Variants in TTC6 observed in about 807,000 individuals in gnomAD.
TTC6 encodes the protein tetratricopeptide repeat domain 6, also known as tetratricopeptide repeat protein 6.
In TTC6, 172 loss-of-function variants were observed where a neutral mutation model predicts 210.4. The ratio of observed to expected loss-of-function variants is 0.82; its 90% CI spans 0.72 to 0.93. The LOEUF (loss-of-function observed/expected upper bound fraction) is 0.93, where lower values mean the gene tolerates loss of function less well. Among genes scored for constraint, TTC6 ranks in the 40% least tolerant of loss-of-function variants. The probability of loss-of-function intolerance (pLI) is 0.00; values close to 1 mark genes in which losing one functional copy is unlikely to be tolerated. For missense variants in TTC6, 2,414 were observed against 2,318.1 expected, an observed-to-expected ratio of 1.04 and a Z score of -0.85; for synonymous variants, 804 against 819.6, an observed-to-expected ratio of 0.98 and a Z score of 0.32.
At chr14:37,634,518 C>G (rs1249449095) in intron 1 of TTC6, among the ~76,000 whole-genome samples, 1 of 152,092 alleles carries the variant, frequency 6.6e-6, no homozygotes, top group African/African-American at 2.4e-5. Context: ...TTGGTGTCAT[C>G]ATAGTCCTGG....
At chr14:37,719,904 T>G (rs974508614) in intron 6 of TTC6, among the ~76,000 whole-genome samples, 6 of 152,060 alleles carry the variant, frequency 3.9e-5, no homozygotes, top group Non-Finnish European at 7.4e-5. Context: ...TTAAGAGGAT[T>G]AAATACAAGC....
rs571108917 is a variant in TTC6 at position 37,841,687 on chromosome 14, T to C, written c.5524+17T>C. ...TTAATAAAGGTACACTTTTGGTAAT[T>C]ATTCTGGTAAGATTACAGTGGTTGA... is the stretch of plus-strand genomic sequence containing the variant. On this transcript the variant is annotated intron_variant, in intron 30 of 30. Transcript: ENST00000553443. The C allele has an allele frequency of 9.5e-6, 15 of 1,574,350 alleles. 1 individual carries two copies. The South Asian group carries it at 1.8e-4, about 18-fold the overall frequency.
chr14:37,762,882 CTTT>C (rs369694046), intron 14 of TTC6, among the ~76,000 whole-genome samples: 3 of 129,588 alleles, frequency 2.3e-5, no homozygotes, highest in Non-Finnish European at 4.9e-5. Flanking sequence ...CTTTTCTTTT[CTTT>C]TTTTTTTTTT....
At chr14:37,715,799 G>C (rs922145322) in intron 6 of TTC6, among the ~76,000 whole-genome samples, 5 of 152,120 alleles carry the variant, frequency 3.3e-5, no homozygotes, top group African/African-American at 1.2e-4. Flanking sequence ...AGAAGGAAAC[G>C]AAGAGAATTT....
intron 1 of TTC6, among the ~76,000 whole-genome samples, chr14:37,599,077 G>A (rs1267104674): frequency 6.6e-6 from 1 of 152,172 alleles, no homozygotes; most frequent in Non-Finnish European, 1.5e-5. Flanking sequence ...GAAGGCCTGG[G>A]ACGCTGGAAA....
intron 20 of TTC6, among the ~76,000 whole-genome samples, chr14:37,803,706 A>T (rs902592863): frequency 1.3e-5 from 2 of 152,164 alleles, no homozygotes; most frequent in Non-Finnish European, 1.5e-5. Context: ...AAAGAAAGCA[A>T]TTCAAAGACA....
intron 29 of TTC6, among the ~76,000 whole-genome samples, chr14:37,830,330 G>A (rs1215082879): frequency 6.6e-6 from 1 of 151,852 alleles, no homozygotes; most frequent in Non-Finnish European, 1.5e-5. Flanking sequence ...ACCACTGCAG[G>A]TTAAATTTAT....
At chr14:37,839,185 T>C (rs1332156757) in intron 29 of TTC6, among the ~76,000 whole-genome samples, 1 of 152,206 alleles carries the variant, frequency 6.6e-6, no homozygotes, top group African/African-American at 2.4e-5. Context: ...CTGGGTCAAA[T>C]GGTATTTCTG....
chr14:37,720,922 G>A (rs2095860664), intron 6 of TTC6, among the ~76,000 whole-genome samples: 1 of 152,164 alleles, frequency 6.6e-6, no homozygotes, highest in South Asian at 2.1e-4. Flanking sequence ...ATGTCAACAT[G>A]TTGTTTATGA....
At chr14:37,639,715 C>CA (rs35837305) in intron 1 of TTC6, among the ~76,000 whole-genome samples, 1,244 of 74,156 alleles carry the variant, frequency 0.017, 18 homozygotes, top group African/African-American at 0.041. Context: ...ACAAGAAATA[C>CA]AAAAAAAAAA....
intron 14 of TTC6, among the ~76,000 whole-genome samples, chr14:37,763,064 A>G (rs1382034500): frequency 1.4e-5 from 2 of 146,796 alleles, no homozygotes; most frequent in Non-Finnish European, 3.0e-5. Flanking sequence ...TTTTTTTTGT[A>G]TTTTTAGTAG....
At chr14:37,799,901 C>T (rs1247756585) in intron 20 of TTC6, among the ~76,000 whole-genome samples, 2 of 152,122 alleles carry the variant, frequency 1.3e-5, no homozygotes, top group African/African-American at 2.4e-5. Context: ...CTAAGCTATG[C>T]GCAGGCTCCT....
At chr14:37,803,610 G>A (rs1393190368) in intron 20 of TTC6, among the ~76,000 whole-genome samples, 1 of 152,160 alleles carries the variant, frequency 6.6e-6, no homozygotes, top group African/African-American at 2.4e-5. Flanking sequence ...ATCCAAAGGA[G>A]GAAGGAAGTA....
At chr14:37,794,816 C>T (rs2096088658) in intron 17 of TTC6, among the ~76,000 whole-genome samples, 1 of 151,908 alleles carries the variant, frequency 6.6e-6, no homozygotes, top group East Asian at 1.9e-4. Context: ...GACCTCCTGG[C>T]CTCATCAAGC....
At chr14:37,665,236 A>G (rs2095745524) in intron 1 of TTC6, among the ~76,000 whole-genome samples, 1 of 150,578 alleles carries the variant, frequency 6.6e-6, no homozygotes, top group Non-Finnish European at 1.5e-5. Context: ...TAGCAAAGAC[A>G]TGGAATCAAC....
intron 14 of TTC6, among the ~76,000 whole-genome samples, chr14:37,782,141 T>A (rs983928878): frequency 6.6e-6 from 1 of 152,152 alleles, no homozygotes; most frequent in Non-Finnish European, 1.5e-5. Context: ...AACTTTAAAG[T>A]AGTTTTTTTT....
chr14:37,689,230 T>TGAATTA (rs1157463495), intron 3 of TTC6, among the ~76,000 whole-genome samples: 2 of 151,846 alleles, frequency 1.3e-5, no homozygotes, highest in Non-Finnish European at 2.9e-5. Flanking sequence ...GAAGGAATAA[T>TGAATTA]GAATTAGCTT....
intron 20 of TTC6, among the ~76,000 whole-genome samples, chr14:37,802,947 G>A (rs946368954): frequency 6.6e-6 from 1 of 151,978 alleles, no homozygotes; most frequent in Non-Finnish European, 1.5e-5. Flanking sequence ...TGGCCAGGCT[G>A]GTCTTGAACT....
At chr14:37,637,167 A>C (rs971542030) in intron 1 of TTC6, among the ~76,000 whole-genome samples, 28 of 152,186 alleles carry the variant, frequency 1.8e-4, no homozygotes, top group Non-Finnish European at 3.5e-4. Flanking sequence ...AAGAAAAAAA[A>C]CCCACCTCAA....
Sources: gnomAD v4.1 joint callset for allele counts (sites outside exome capture counted in the v4.1 genomes callset) on GRCh38, gnomAD v4.1.1 for gene constraint, MANE v1.5 for transcripts, NCBI Gene and HGNC (gene_info 2026-07-23, HGNC 2026-07-21) for gene names.